Variants in NEB observed in about 807,000 individuals in gnomAD.
The protein encoded by NEB is nebulin.
NEB carries 512 observed loss-of-function variants against 952.2 expected under a neutral mutation model. That is an observed-to-expected ratio of 0.54 (90% CI 0.50 to 0.58). The LOEUF (loss-of-function observed/expected upper bound fraction) is 0.58. Among genes scored for constraint, NEB ranks in the 20% least tolerant of loss-of-function variants. The pLI is 0.00. For synonymous variants in NEB, 2,900 were observed against 3,149.8 expected (o/e 0.92, Z 2.66); for missense variants, 8,428 against 9,231.1 (o/e 0.91, Z 3.56).
chr2:151,659,229 T>C, intron 46 of NEB, 60 bp from the exon 47 acceptor site: 1 of 987,216 alleles, frequency 1.0e-6, no homozygotes, highest in Non-Finnish European at 1.6e-6. Context: ...ACTTAGTACA[T>C]ACATATCATT....
chr2:151,664,744 T>C lies in NEB; in HGVS notation c.5343+15A>G. On this transcript the variant is annotated intron_variant, in intron 43 of 181. Transcript: ENST00000397345. ...TAACCTTCTCCCCAGCTTTTGCTGT[T>C]GTTAACCTACTTACATCACTCATGG... The C allele has an allele frequency of 4.4e-6, 7 of 1,592,644 alleles. No individual in the cohort carries two copies. Among genetic ancestry groups the C allele is most frequent in the Non-Finnish European group, 6.0e-6 (7 of 1,163,192 alleles).
intron 46 of NEB, among the ~76,000 whole-genome samples, chr2:151,660,112 C>T (rs1373214077): frequency 6.6e-6 from 1 of 152,192 alleles, no homozygotes; most frequent in Non-Finnish European, 1.5e-5. Flanking sequence ...CCACATTCAA[C>T]AACTCATCGA....
intron 9 of NEB, among the ~76,000 whole-genome samples, chr2:151,722,392 C>T (rs559660789): frequency 3.2e-4 from 49 of 152,300 alleles, no homozygotes; most frequent in African/African-American, 1.1e-3. Flanking sequence ...GTTCCTCTAA[C>T]ATACAGTTTT....
intron 8 of NEB, 68 bp from the exon 9 acceptor site, chr2:151,723,554 A>C (rs2099780704): frequency 8.7e-7 from 1 of 1,153,834 alleles, no homozygotes; most frequent in Non-Finnish European, 1.3e-6. Flanking sequence ...CATAGTTTTG[A>C]ATTCATCCAT....
intron 6 of NEB, among the ~76,000 whole-genome samples, chr2:151,725,165 G>C (rs780481553): frequency 5.3e-5 from 8 of 152,200 alleles, no homozygotes; most frequent in Admixed American, 5.2e-4. Context: ...TGGATCTCCA[G>C]CCTGCTGCTT....
At chr2:151,702,489 G>C (rs914597408) in intron 13 of NEB, among the ~76,000 whole-genome samples, 3 of 152,016 alleles carry the variant, frequency 2.0e-5, no homozygotes, top group South Asian at 4.2e-4. Flanking sequence ...CATTATTAAT[G>C]TGTGGGAGTC....
At position 151,609,977 on chromosome 2, in the gene NEB, C is replaced by G. The variant is rs2097887468; in HGVS notation, c.12162G>C (p.Trp4054Cys). 6.2e-7 allele frequency: 1 copy of G among 1,613,942 alleles called. No homozygotes were observed. The highest frequency in any genetic ancestry group is 8.5e-7 in the Non-Finnish European group (1 of 1,179,858). The change falls in exon 81 of 182, where the codon TGG (tryptophan) becomes TGC (cysteine). Residue 4054 changes from tryptophan (W) to cysteine (C), a missense_variant. Trp to Cys is a radical substitution (Grantham distance 215, BLOSUM62 -2). Coordinates refer to ENST00000397345, the MANE Select transcript of NEB (RefSeq NM_001164508.2). ...EREYKKEFQKWKTKFSSPVDM... is the reference protein window; with the variant it reads ...EREYKKEFQKCKTKFSSPVDM... ...CCACTGGGCTAGAGAACTTGGTTTTCCACTTTTGGAATTCCTTCTTGTACT... is the reference window on the plus strand; with the variant it reads ...CCACTGGGCTAGAGAACTTGGTTTTGCACTTTTGGAATTCCTTCTTGTACT...
Position 151,733,772 on chromosome 2 carries a change from C to T in NEB, c.-90G>A, listed in dbSNP as rs966204223. On this transcript the variant is annotated 5_prime_UTR_variant, in exon 2 of 182. Coordinates refer to ENST00000397345, the MANE Select transcript of NEB (RefSeq NM_001164508.2). ...ATTGGCTTATACAGACTTTTTCTTTCGTTTCTGTAGCTCTCGTTCAAACCT... is the reference window on the plus strand; with the variant it reads ...ATTGGCTTATACAGACTTTTTCTTTTGTTTCTGTAGCTCTCGTTCAAACCT... 2.0e-5 allele frequency: 3 copies of T among 152,120 alleles called. No homozygotes were observed. Among genetic ancestry groups the T allele is most frequent in the Admixed American group, 6.5e-5 (1 of 15,272 alleles). 9.4% of individuals were successfully genotyped at this position (152,120 alleles called of 1,614,324 possible). A position where few individuals can be genotyped will look rare whatever the true frequency, so the allele number is the denominator to read the frequency against.
rs549356470 is a variant in NEB, at chr2:151,677,278, T to C, written c.3774+287A>G. On this transcript the variant is annotated intron_variant, in intron 34 of 181. Transcript: ENST00000397345. ...GTATGTATGTGTTTGCATGTGTATGTGTGTAGTCCTAGAATAGAATTTTTT... is the reference window on the plus strand; with the variant it reads ...GTATGTATGTGTTTGCATGTGTATGCGTGTAGTCCTAGAATAGAATTTTTT... Among the ~76,000 whole-genome samples, 20 of 152,344 alleles carry C rather than the reference T, an allele frequency of 1.3e-4. No individual in the cohort carries two copies. The South Asian group carries it at 3.9e-3, about 30-fold the overall frequency.
intron 124 of NEB, among the ~76,000 whole-genome samples, chr2:151,559,587 T>C (rs1465625366): frequency 1.3e-5 from 2 of 152,194 alleles, no homozygotes; most frequent in Non-Finnish European, 2.9e-5. Context: ...ATGGCATATA[T>C]ACACCATGGA....
At chr2:151,671,529 A>AT (rs576634292) in intron 37 of NEB, 11 of 320,748 alleles carry the variant, frequency 3.4e-5, no homozygotes, top group East Asian at 1.2e-4. Flanking sequence ...ATCTTAAAGC[A>AT]TTTTTTTTCA....
intron 63 of NEB, among the ~76,000 whole-genome samples, chr2:151,638,970 A>G (rs976726005): frequency 2.0e-5 from 3 of 152,198 alleles, no homozygotes; most frequent in East Asian, 1.9e-4. Flanking sequence ...ATGCTTTAGC[A>G]TAAAGGGGAG....
intron 47 of NEB, 42 bp from the exon 48 acceptor site, chr2:151,658,132 A>G (rs1575361710): frequency 7.2e-7 from 1 of 1,390,426 alleles, no homozygotes. Flanking sequence ...TCTAAATATG[A>G]AAGCCTGGAT....
intron 71 of NEB, 40 bp from the exon 72 acceptor site, chr2:151,621,066 A>G (rs755943261): frequency 6.7e-7 from 1 of 1,482,302 alleles, no homozygotes; most frequent in South Asian, 1.2e-5. Flanking sequence ...TAGAATTCAC[A>G]TTCACTCGAA....
chr2:151,498,089 T>TA lies in NEB; in HGVS notation c.24207+170dup, dbSNP rs1215126627. 8.2e-6 allele frequency: 12 copies of TA among 1,471,440 alleles called. No homozygotes were observed. The South Asian group carries it at 9.7e-5, about 12-fold the overall frequency. The allele number at this position is 1,471,440 out of a possible 1,614,324, so 91.1% of individuals were successfully genotyped here. On this transcript the variant is annotated intron_variant, in intron 170 of 181. Transcript: ENST00000397345. ...GTTTGTTTGTAAATATCAGATGAAG[T>TA]AAAAAATTGACATTAACTGTATTAT...
rs777232352 is a variant in NEB at position 151,491,704 on chromosome 2, G to A, written c.25129C>T (p.Arg8377Ter). The change falls in exon 179 of 182, where the codon CGA becomes TGA. Residue 8377 changes from arginine (R) to a stop codon, truncating the protein, a stop_gained. Transcript: ENST00000397345. LOFTEE classifies it high-confidence loss of function. ...YDPAEDNIQS[R>*]SLHMINVQAQ... ...ACACCATTAATCATGTGTAAGCTTC[G>A]GGACTGGATGTTGTCTTCTGCTGGA... is the stretch of plus-strand genomic sequence containing the variant. The A allele has an allele frequency of 1.9e-6, 3 of 1,596,106 alleles. No individual in the cohort carries two copies. Among genetic ancestry groups the A allele is most frequent in the South Asian group, 1.1e-5 (1 of 87,682 alleles).
At chr2:151,504,051 T>A (rs1467783026) in intron 165 of NEB, among the ~76,000 whole-genome samples, 1 of 152,132 alleles carries the variant, frequency 6.6e-6, no homozygotes, top group Non-Finnish European at 1.5e-5. Context: ...CCATATTTTT[T>A]AGTAGTAGTA....
chr2:151,522,800 G>A (rs1035565561), intron 153 of NEB, among the ~76,000 whole-genome samples: 21 of 152,068 alleles, frequency 1.4e-4, no homozygotes, highest in Admixed American at 5.9e-4. Flanking sequence ...AAGATGCAGC[G>A]CCGTGCCCTC....
rs1202828191 is a variant in NEB, at chr2:151,645,394, C to A, written c.7536+736G>T. On this transcript the variant is annotated intron_variant, in intron 55 of 181. Coordinates refer to ENST00000397345, the MANE Select transcript of NEB (RefSeq NM_001164508.2). ...CACATCTATAGGTAAGATACTGAGT[C>A]CACCATAATTTCTAAAACTTATGTT... Among the ~76,000 whole-genome samples, 5 of 152,286 alleles carry A rather than the reference C, an allele frequency of 3.3e-5. No homozygotes were observed. In the South Asian group the frequency reaches 1.0e-3, roughly 32 times the overall value.
Sources: gnomAD v4.1 joint callset for allele counts (sites outside exome capture counted in the v4.1 genomes callset) on GRCh38, gnomAD v4.1.1 for gene constraint, MANE v1.5 for transcripts, NCBI Gene and HGNC (gene_info 2026-07-23, HGNC 2026-07-21) for gene names.